The following FANCI variants were observed in gnomAD, a reference collection of about 807,000 sequenced individuals.
The protein encoded by FANCI is FA complementation group I.
Under a neutral mutation model 176.1 loss-of-function variants are expected in FANCI, and 156 were observed. That is an observed-to-expected ratio of 0.89 (90% CI 0.78 to 1.01). The LOEUF (loss-of-function observed/expected upper bound fraction) is 1.01. FANCI is among the 50% of genes least tolerant of loss of function. The probability of loss-of-function intolerance (pLI) is 0.00; values close to 1 mark genes in which losing one functional copy is unlikely to be tolerated. For missense variants in FANCI, 1,678 were observed against 1,534.1 expected, an observed-to-expected ratio of 1.09 and a Z score of -1.57; for synonymous variants, 613 against 541.7, an observed-to-expected ratio of 1.13 and a Z score of -1.83.
At chr15:89,269,413 T>C (rs925167241) in intron 10 of FANCI, among the ~76,000 whole-genome samples, 16 of 152,152 alleles carry the variant, frequency 1.1e-4, no homozygotes, top group Admixed American at 2.0e-4. Flanking sequence ...GTTTTTTTTT[T>C]CCTCTGCTCC....
In FANCI at chr15:89,305,588, G is replaced by T. The variant is rs1449410629; in HGVS notation, c.3256-17G>T. ...AGCTGTGTGTAGTGAATCACACCAG[G>T]CACTCTTTTCTTTCAGTTACTTGTT... On this transcript the variant is annotated splice_polypyrimidine_tract_variant and intron_variant, in intron 30 of 37. Coordinates refer to ENST00000310775, the MANE Select transcript of FANCI (RefSeq NM_001113378.2). 1 of 1,613,044 alleles carries T rather than the reference G, an allele frequency of 6.2e-7. No homozygotes were observed. The highest frequency in any genetic ancestry group is 1.1e-5 in the South Asian group (1 of 91,046).
At chr15:89,273,738 A>G (rs1811779214) in intron 11 of FANCI, among the ~76,000 whole-genome samples, 1 of 136,754 alleles carries the variant, frequency 7.3e-6, no homozygotes, top group Non-Finnish European at 1.7e-5. Flanking sequence ...GAAGGATACC[A>G]CACAGCCCCA....
chr15:89,260,885 T>C (rs767391798), intron 4 of FANCI, 42 bp downstream of exon 4: 24 of 1,608,052 alleles, frequency 1.5e-5, no homozygotes, highest in Non-Finnish European at 2.0e-5. Context: ...GGTAGGTTTT[T>C]GAGGGTTTGT....
intron 20 of FANCI, among the ~76,000 whole-genome samples, chr15:89,291,985 T>G (rs1234328489): frequency 2.6e-5 from 4 of 152,204 alleles, no homozygotes; most frequent in Non-Finnish European, 5.9e-5. Context: ...TTACATTCAC[T>G]AAATAAATGT....
intron 2 of FANCI, among the ~76,000 whole-genome samples, chr15:89,256,386 A>G (rs2052494034): frequency 6.6e-6 from 1 of 152,236 alleles, no homozygotes; most frequent in South Asian, 2.1e-4. Flanking sequence ...TGGAAGGTAT[A>G]GGCAAGAGTA....
chr15:89,262,181 T>C (rs1311650192), intron 6 of FANCI, among the ~76,000 whole-genome samples: 1 of 152,188 alleles, frequency 6.6e-6, no homozygotes, highest in Non-Finnish European at 1.5e-5. Context: ...AATCTAAGCA[T>C]TATTGGAGTC....
At chr15:89,263,503 T>C (rs763495108) in intron 7 of FANCI, 43 bp downstream of exon 7, 35 of 1,490,420 alleles carry the variant, frequency 2.3e-5, no homozygotes, top group Non-Finnish European at 3.3e-5. Context: ...TCCTGCTTTG[T>C]GAACTTACTT....
intron 36 of FANCI, 78 bp downstream of exon 36, chr15:89,314,785 C>A: frequency 3.1e-6 from 3 of 961,704 alleles, no homozygotes; most frequent in Non-Finnish European, 4.9e-6. Flanking sequence ...AGCACAACTA[C>A]AATGGAGGAA....
intron 22 of FANCI, among the ~76,000 whole-genome samples, chr15:89,293,464 A>G (rs566770922): frequency 1.3e-5 from 2 of 152,328 alleles, no homozygotes; most frequent in South Asian, 2.1e-4. Context: ...AGCTGGGTGT[A>G]TCACTTGAGG....
At chr15:89,302,043 C>G (rs2054542254) in intron 27 of FANCI, among the ~76,000 whole-genome samples, 2 of 152,208 alleles carry the variant, frequency 1.3e-5, no homozygotes, top group Non-Finnish European at 2.9e-5. Flanking sequence ...AGAAGGACCA[C>G]TTGTTGGGGG....
intron 2 of FANCI, among the ~76,000 whole-genome samples, chr15:89,257,312 C>T (rs1373328541): frequency 6.6e-6 from 1 of 152,124 alleles, no homozygotes; most frequent in Non-Finnish European, 1.5e-5. Context: ...TTCTTCATCG[C>T]CTGTATTAGT....
chr15:89,283,870 C>G (rs1045209517), intron 17 of FANCI, among the ~76,000 whole-genome samples: 28 of 151,934 alleles, frequency 1.8e-4, no homozygotes, highest in Middle Eastern at 3.4e-3. Flanking sequence ...TCACGCCATT[C>G]TCCTGCCTCA....
intron 7 of FANCI, 73 bp downstream of exon 7, chr15:89,263,533 C>A: frequency 8.4e-7 from 1 of 1,192,422 alleles, no homozygotes; most frequent in Non-Finnish European, 1.3e-6. Flanking sequence ...TAAACTATAG[C>A]AAACGTAAAC....
At chr15:89,312,854 C>G in intron 34 of FANCI, 50 bp from the exon 35 acceptor site, 2 of 1,457,440 alleles carry the variant, frequency 1.4e-6, no homozygotes, top group Non-Finnish European at 1.9e-6. Context: ...AGCATGCTAG[C>G]TCCACAGAAA....
intron 18 of FANCI, among the ~76,000 whole-genome samples, chr15:89,285,723 G>C (rs1294565243): frequency 7.2e-6 from 1 of 138,192 alleles, no homozygotes; most frequent in Non-Finnish European, 1.6e-5. Context: ...CCAGTCTTAA[G>C]ACTAAGTCCT....
chr15:89,300,519 G>C (rs2054488137), intron 26 of FANCI, 134 bp downstream of exon 26: 1 of 725,198 alleles, frequency 1.4e-6, no homozygotes, highest in African/African-American at 1.8e-5. Context: ...ACAGGCAACA[G>C]GACATAGCTC....
At chr15:89,283,370 CTGA>C (rs1316961813) in intron 17 of FANCI, 120 bp downstream of exon 17, 73 of 1,447,544 alleles carry the variant, frequency 5.0e-5, no homozygotes, top group East Asian at 9.4e-5. Context: ...ACTAAAGAGT[CTGA>C]TGATGATGAT....
At chr15:89,247,511 G>A (rs2052041244) in intron 1 of FANCI, 118 bp from the exon 2 acceptor site, 4 of 760,374 alleles carry the variant, frequency 5.3e-6, no homozygotes, top group Admixed American at 1.9e-5. Flanking sequence ...ATAGTCCTAA[G>A]TTTGTTGAGC....
chr15:89,292,884 C>A lies in FANCI; in HGVS notation c.2169+20C>A. ...GAACTGGTAATTGCTAAGTCCTCAG[C>A]TGTATTGAATGATGGAGTTCTTTAG... On this transcript the variant is annotated intron_variant, in intron 21 of 37. Transcript: ENST00000310775. 6 of 1,614,010 alleles carry A rather than the reference C, an allele frequency of 3.7e-6. No homozygotes were observed. The highest frequency in any genetic ancestry group is 5.1e-6 in the Non-Finnish European group (6 of 1,179,964).
Sources: allele counts gnomAD v4.1 joint callset (sites outside exome capture counted in the v4.1 genomes callset), GRCh38; gene constraint gnomAD v4.1.1; transcripts MANE v1.5; gene names NCBI Gene and HGNC (gene_info 2026-07-23, HGNC 2026-07-21).